The following GANC variants were observed in gnomAD, a reference collection of about 807,000 sequenced individuals.
GANC encodes glucosidase alpha, neutral C, also known as neutral alpha-glucosidase C.
In GANC, 117 loss-of-function variants were observed where a neutral mutation model predicts 124.2. The observed-to-expected ratio is 0.94, with a 90% CI of 0.81 to 1.10. GANC has a LOEUF of 1.10. Ranked by LOEUF, GANC falls within the 50% of genes least tolerant of loss-of-function variation. GANC has a pLI of 0.00. For synonymous variants in GANC, 377 were observed against 376.8 expected (o/e 1.00, Z -0.01); for missense variants, 1,140 against 1,095.0 (o/e 1.04, Z -0.58).
chr15:42,343,794 G>C (rs1037641244), intron 19 of GANC, among the ~76,000 whole-genome samples: 2 of 152,156 alleles, frequency 1.3e-5, no homozygotes, highest in Non-Finnish European at 2.9e-5. Flanking sequence ...TCAGAGACAG[G>C]CCACAGATAA....
chr15:42,282,769 T>C (rs2051746399), intron 3 of GANC, among the ~76,000 whole-genome samples: 1 of 152,212 alleles, frequency 6.6e-6, no homozygotes, highest in Non-Finnish European at 1.5e-5. Flanking sequence ...TAACCAAATA[T>C]CACAGGCTAG....
At chr15:42,338,070 AAAC>A (rs2052297081) in intron 15 of GANC, among the ~76,000 whole-genome samples, 1 of 151,698 alleles carries the variant, frequency 6.6e-6, no homozygotes. Context: ...TCTAAAAAAA[AAAC>A]AAACCACATG....
intron 5 of GANC, 80 bp from the exon 6 acceptor site, chr15:42,297,531 G>C (rs2051902818): frequency 2.9e-6 from 3 of 1,022,468 alleles, no homozygotes; most frequent in Non-Finnish European, 4.5e-6. Flanking sequence ...TCAAAAGTTG[G>C]AAATGAAAAA....
At chr15:42,290,015 G>T (rs1223156215) in intron 4 of GANC, among the ~76,000 whole-genome samples, 2 of 152,188 alleles carry the variant, frequency 1.3e-5, no homozygotes, top group African/African-American at 4.8e-5. Flanking sequence ...CTGACACCTT[G>T]ATCTTTGACT....
intron 10 of GANC, chr15:42,313,976 C>CAACAACAAA (rs1338361477): frequency 1.5e-6 from 1 of 662,288 alleles, no homozygotes; most frequent in Non-Finnish European, 2.7e-6. Flanking sequence ...ACAACAACAA[C>CAACAACAAA]AAAATTAATG....
chr15:42,338,499 A>T lies in GANC; in HGVS notation c.1843+9A>T. 3 of 1,572,332 alleles carry T rather than the reference A, an allele frequency of 1.9e-6. No individual in the cohort carries two copies. The highest frequency in any genetic ancestry group is 2.6e-6 in the Non-Finnish European group (3 of 1,142,228). On this transcript the variant is annotated intron_variant, in intron 16 of 23. Coordinates refer to ENST00000318010, the MANE Select transcript of GANC (RefSeq NM_198141.3). ...GATCTCTTTTTGCGGAGGTAAGATG[A>T]GTCCTTTGAGGCTTGAAGTGCAAGG...
Position 42,322,161 on chromosome 15 carries a change from G to C in GANC, c.1293+141G>C, listed in dbSNP as rs1268037916. The C allele has an allele frequency of 7.2e-6, 5 of 696,020 alleles. No homozygotes were observed. In the Admixed American group the frequency reaches 1.1e-4, roughly 16 times the overall value. 43.1% of individuals were successfully genotyped at this position (696,020 alleles called of 1,614,324 possible). A position where few individuals can be genotyped will look rare whatever the true frequency, so the allele number is the denominator to read the frequency against. ...AGTAGATTCAAATATAATTGTCACTGTGATAAGAGAGAAAGTGAATGGTAA... is the reference window on the plus strand; with the variant it reads ...AGTAGATTCAAATATAATTGTCACTCTGATAAGAGAGAAAGTGAATGGTAA... On this transcript the variant is annotated intron_variant, in intron 11 of 23. Coordinates refer to ENST00000318010, the MANE Select transcript of GANC (RefSeq NM_198141.3).
chr15:42,339,948 C>T (rs2052317103), intron 17 of GANC, 36 bp downstream of exon 17: 1 of 1,597,104 alleles, frequency 6.3e-7, no homozygotes, highest in Admixed American at 1.7e-5. Flanking sequence ...ACCCCAGCAA[C>T]CAATCTGTAA....
intron 4 of GANC, 21 bp from the exon 5 acceptor site, chr15:42,292,714 T>A (rs1007858854): frequency 6.2e-7 from 1 of 1,608,192 alleles, no homozygotes; most frequent in Non-Finnish European, 8.5e-7. Flanking sequence ...CTTGTTTCTC[T>A]CTTCCTGTTT....
chr15:42,317,073 T>A (rs548463495), intron 10 of GANC, among the ~76,000 whole-genome samples: 1 of 152,366 alleles, frequency 6.6e-6, no homozygotes, highest in African/African-American at 2.4e-5. Context: ...CTATTTTCTT[T>A]ATTATACTGC....
chr15:42,282,755 G>C lies in GANC; in HGVS notation c.201+4165G>C, dbSNP rs555088430. ...GCTTCATTCAACATTGGGTTAGGCT[G>C]CCATAACCAAATATCACAGGCTAGG... On this transcript the variant is annotated intron_variant, in intron 3 of 23. Coordinates refer to ENST00000318010, the MANE Select transcript of GANC (RefSeq NM_198141.3). 6.5e-4 allele frequency among the ~76,000 whole-genome samples: 99 copies of C among 152,290 alleles called. 2 individuals carry two copies. In the South Asian group the frequency reaches 0.02, roughly 30 times the overall value.
rs2051904452 is a variant in GANC, at chr15:42,297,674, A to G, written c.558+18A>G. On this transcript the variant is annotated intron_variant, in intron 6 of 23. Transcript: ENST00000318010. ...CCTCTCAGGTAATCTAGATTGATCC[A>G]TTTATTGTTATCTTTTTCACCATCA... The G allele has an allele frequency of 6.4e-7, 1 of 1,567,482 alleles. No individual in the cohort carries two copies. Among genetic ancestry groups the G allele is most frequent in the Non-Finnish European group, 8.8e-7 (1 of 1,142,840 alleles).
chr15:42,327,534 G>C (rs1566958644), intron 13 of GANC, 92 bp downstream of exon 13: 2 of 1,042,154 alleles, frequency 1.9e-6, no homozygotes, highest in Non-Finnish European at 2.9e-6. Context: ...TTTTCATTGA[G>C]TAGCTTTTGA....
Position 42,352,202 on chromosome 15 carries a change from C to T in GANC, c.*63C>T. 5 of 1,591,288 alleles carry T rather than the reference C, an allele frequency of 3.1e-6. No individual in the cohort carries two copies. The highest frequency in any genetic ancestry group is 1.1e-5 in the South Asian group (1 of 88,496). On this transcript the variant is annotated 3_prime_UTR_variant, in exon 24 of 24. Coordinates refer to ENST00000318010, the MANE Select transcript of GANC (RefSeq NM_198141.3). ...CTGCCCCTTTCAACCTTTCCCCTCACCTTTTTTGAGATTTTTGCTGCAATC... is the reference window on the plus strand; with the variant it reads ...CTGCCCCTTTCAACCTTTCCCCTCATCTTTTTTGAGATTTTTGCTGCAATC...
rs182231447 is a variant in GANC at position 42,299,844 on chromosome 15, A to G, written c.558+2188A>G. Among the ~76,000 whole-genome samples the G allele has an allele frequency of 7.2e-5, 11 of 152,344 alleles. No homozygotes were observed. In the East Asian group the frequency reaches 2.1e-3, roughly 29 times the overall value. ...AACCATCTGATCTTCGAGAAACCTG[A>G]CAAAAACAAGCAATGTGGAAAGGAT... On this transcript the variant is annotated intron_variant, in intron 6 of 23. Transcript: ENST00000318010.
chr15:42,353,415 C>T lies in GANC; in HGVS notation c.*1276C>T, dbSNP rs2052476873. 2.6e-5 allele frequency: 25 copies of T among 963,916 alleles called. No homozygotes were observed. The highest frequency in any genetic ancestry group is 3.1e-5 in the Non-Finnish European group (25 of 810,076). 59.7% of individuals were successfully genotyped at this position (963,916 alleles called of 1,614,324 possible). ...TGCGTGAACACCCCTACCCCCATAC[C>T]CATTAGCAGTGATTTTGCCCTTCCC... On this transcript the variant is annotated 3_prime_UTR_variant, in exon 24 of 24. Coordinates refer to ENST00000318010, the MANE Select transcript of GANC (RefSeq NM_198141.3).
In GANC at chr15:42,287,750, T is replaced by C. The variant is rs8037627; in HGVS notation, c.261T>C (p.Asn87=). Residue 87 remains asparagine, a synonymous_variant, in exon 4 of 24, where the codon AAT becomes AAC. Transcript: ENST00000318010. ...IEGNIFRLKI[N]EETPLKPRFE... ...GAAACATTTTCAGGCTTAAAATTAA[T>C]GAAGAGACTCCTCTAAAACCCAGAT... 1,579,493 of 1,613,084 alleles carry C rather than the reference T, an allele frequency of 0.98. 776,804 individuals carry two copies. The highest frequency in any genetic ancestry group is 1 in the Non-Finnish European group (1,178,255 of 1,179,484).
At chr15:42,349,201 A>G (rs2052397152) in intron 21 of GANC, among the ~76,000 whole-genome samples, 182 bp from the exon 22 acceptor site, 2 of 152,108 alleles carry the variant, frequency 1.3e-5, no homozygotes, top group African/African-American at 4.8e-5. Flanking sequence ...TGACTTTCCT[A>G]TTGTTTTACT....
At chr15:42,294,198 A>G (rs1192326021) in intron 5 of GANC, among the ~76,000 whole-genome samples, 1 of 151,502 alleles carries the variant, frequency 6.6e-6, no homozygotes, top group Non-Finnish European at 1.5e-5. Flanking sequence ...AGGAGTATAT[A>G]TTAATACACA....
Sources: allele counts gnomAD v4.1 joint callset (sites outside exome capture counted in the v4.1 genomes callset), GRCh38; gene constraint gnomAD v4.1.1; transcripts MANE v1.5; gene names NCBI Gene and HGNC (gene_info 2026-07-23, HGNC 2026-07-21).